Variants in CNTN5 observed in about 807,000 individuals in gnomAD.
CNTN5 encodes contactin 5.
Under a neutral mutation model 129.1 loss-of-function variants are expected in CNTN5, and 77 were observed. The ratio of observed to expected loss-of-function variants is 0.60; its 90% CI spans 0.50 to 0.72. CNTN5 has a LOEUF of 0.72. Ranked by LOEUF, CNTN5 falls within the 30% of genes least tolerant of loss-of-function variation. The pLI is 0.00. For missense variants in CNTN5, 1,478 were observed against 1,328.8 expected (o/e 1.11, Z -1.75); for synonymous variants, 509 against 465.6 (o/e 1.09, Z -1.20).
chr11:100,133,848 C>A (rs1459966479), intron 13 of CNTN5, among the ~76,000 whole-genome samples: 2 of 152,110 alleles, frequency 1.3e-5, no homozygotes, highest in Non-Finnish European at 2.9e-5. Flanking sequence ...TTGAACACTA[C>A]AATTTGTATC....
At chr11:100,083,070 T>A (rs540384928) in intron 13 of CNTN5, among the ~76,000 whole-genome samples, 1 of 151,780 alleles carries the variant, frequency 6.6e-6, no homozygotes, top group Non-Finnish European at 1.5e-5. Context: ...AATCCCAGCA[T>A]TTTGGGAGGC....
At chr11:99,866,637 G>A (rs920879347) in intron 6 of CNTN5, among the ~76,000 whole-genome samples, 3 of 152,204 alleles carry the variant, frequency 2.0e-5, no homozygotes, top group African/African-American at 7.2e-5. Context: ...TAGAGCTGAA[G>A]TTTAGGAACT....
intron 7 of CNTN5, among the ~76,000 whole-genome samples, chr11:99,934,945 TATACAC>T (rs1653910305): frequency 1.3e-5 from 1 of 78,356 alleles, no homozygotes; most frequent in Non-Finnish European, 2.3e-5. Context: ...TATATATATA[TATACAC>T]ACACATATAT....
chr11:100,322,233 T>C (rs1951710123), intron 21 of CNTN5, among the ~76,000 whole-genome samples: 1 of 152,144 alleles, frequency 6.6e-6, no homozygotes, highest in South Asian at 2.1e-4. Flanking sequence ...GCCGTCTTTT[T>C]TTTTTTTTAG....
At chr11:99,794,887 T>C (rs1183025433) in intron 3 of CNTN5, among the ~76,000 whole-genome samples, 1 of 152,180 alleles carries the variant, frequency 6.6e-6, no homozygotes, top group East Asian at 1.9e-4. Flanking sequence ...GAGAATCTGA[T>C]GACTATGTGT....
intron 13 of CNTN5, among the ~76,000 whole-genome samples, chr11:100,098,477 G>T (rs1367865558): frequency 1.3e-5 from 2 of 151,712 alleles, no homozygotes; most frequent in East Asian, 2.0e-4. Context: ...TGTTTAATCT[G>T]TCTGTCTGTG....
intron 3 of CNTN5, among the ~76,000 whole-genome samples, chr11:99,686,527 A>G (rs759122838): frequency 6.6e-6 from 1 of 152,122 alleles, no homozygotes; most frequent in Non-Finnish European, 1.5e-5. Flanking sequence ...AGAATATTTA[A>G]TTATGTTTTC....
chr11:99,038,067 G>A (rs1245052940), intron 1 of CNTN5, among the ~76,000 whole-genome samples: 2 of 151,874 alleles, frequency 1.3e-5, no homozygotes, highest in Admixed American at 1.3e-4. Context: ...ATGCTTTAAA[G>A]AGGCCAACAT....
chr11:99,806,064 A>G (rs1352613308), intron 3 of CNTN5, among the ~76,000 whole-genome samples: 2 of 152,220 alleles, frequency 1.3e-5, no homozygotes, highest in Non-Finnish European at 2.9e-5. Context: ...ACATAGAGCC[A>G]CATTAGCCTT....
chr11:99,644,863 T>C (rs1172615057), intron 3 of CNTN5, among the ~76,000 whole-genome samples: 1 of 152,110 alleles, frequency 6.6e-6, no homozygotes, highest in Non-Finnish European at 1.5e-5. Context: ...CTTTTAACAA[T>C]AAATACAGCT....
At chr11:99,937,527 C>T (rs1565697070) in intron 7 of CNTN5, among the ~76,000 whole-genome samples, 1 of 152,108 alleles carries the variant, frequency 6.6e-6, no homozygotes, top group Admixed American at 6.6e-5. Flanking sequence ...GGCTGTGCTT[C>T]GGAGATGTGT....
At chr11:99,297,214 A>G (rs573025340) in intron 1 of CNTN5, among the ~76,000 whole-genome samples, 17 of 152,324 alleles carry the variant, frequency 1.1e-4, no homozygotes, top group Non-Finnish European at 2.1e-4. Context: ...CCAAGGACAT[A>G]AAACAAGAGG....
At chr11:100,075,097 G>A (rs1223274275) in intron 13 of CNTN5, among the ~76,000 whole-genome samples, 2 of 152,034 alleles carry the variant, frequency 1.3e-5, no homozygotes, top group Non-Finnish European at 2.9e-5. Flanking sequence ...TTTTATGTTT[G>A]TCCCAATCTA....
chr11:100,054,718 A>G (rs1943126346), intron 9 of CNTN5, among the ~76,000 whole-genome samples: 1 of 151,718 alleles, frequency 6.6e-6, no homozygotes, highest in Non-Finnish European at 1.5e-5. Flanking sequence ...ATTAAGTTCT[A>G]TATTAGTAAG....
At chr11:99,387,801 C>A (rs1941003658) in intron 2 of CNTN5, among the ~76,000 whole-genome samples, 1 of 152,062 alleles carries the variant, frequency 6.6e-6, no homozygotes, top group Non-Finnish European at 1.5e-5. Flanking sequence ...CCTTTCAATC[C>A]TTGGCTTTTA....
At chr11:100,272,161 A>C (rs182346391) in intron 18 of CNTN5, among the ~76,000 whole-genome samples, 25 of 152,282 alleles carry the variant, frequency 1.6e-4, no homozygotes. Context: ...GTCTCAAATA[A>C]AAGTGCACTG....
intron 15 of CNTN5, among the ~76,000 whole-genome samples, chr11:100,202,069 G>A (rs192370374): frequency 1.4e-4 from 22 of 152,074 alleles, no homozygotes; most frequent in East Asian, 1.4e-3. Flanking sequence ...CCTCAAATAC[G>A]CTATGGTATA....
At chr11:99,039,804 AT>A (rs1376200429) in intron 1 of CNTN5, among the ~76,000 whole-genome samples, 1 of 152,146 alleles carries the variant, frequency 6.6e-6, no homozygotes, top group Non-Finnish European at 1.5e-5. Context: ...GCCTGAAAGA[AT>A]CAGGAGTACC....
intron 8 of CNTN5, among the ~76,000 whole-genome samples, chr11:99,994,092 G>A (rs1033365696): frequency 2.6e-4 from 40 of 152,084 alleles, no homozygotes; most frequent in African/African-American, 9.7e-4. Context: ...CCAGAAGGCT[G>A]TATCTGGGCA....
Sources: gnomAD v4.1 joint callset for allele counts (sites outside exome capture counted in the v4.1 genomes callset) on GRCh38, gnomAD v4.1.1 for gene constraint, MANE v1.5 for transcripts, NCBI Gene and HGNC (gene_info 2026-07-23, HGNC 2026-07-21) for gene names.